Variants in ROBO1 observed in about 807,000 individuals in gnomAD.
The protein encoded by ROBO1 is roundabout guidance receptor 1, also known as roundabout homolog 1.
A neutral mutation model predicts 195.9 loss-of-function variants in ROBO1; 149 were observed. The ratio of observed to expected loss-of-function variants is 0.76; its 90% CI spans 0.67 to 0.87. ROBO1 has a LOEUF of 0.87. Ranked by LOEUF, ROBO1 falls within the 40% of genes least tolerant of loss-of-function variation. The pLI is 0.00. For synonymous variants in ROBO1, 816 were observed against 733.2 expected (o/e 1.11, Z -1.82); for missense variants, 1,933 against 2,068.3 (o/e 0.93, Z 1.27).
intron 1 of ROBO1, among the ~76,000 whole-genome samples, chr3:79,696,734 A>C (rs1357472081): frequency 6.6e-6 from 1 of 151,444 alleles, no homozygotes; most frequent in Non-Finnish European, 1.5e-5. Context: ...AAGTCTTCTA[A>C]AATGTTCTAC....
At chr3:78,906,941 T>C (rs971423790) in intron 4 of ROBO1, among the ~76,000 whole-genome samples, 1 of 152,144 alleles carries the variant, frequency 6.6e-6, no homozygotes, top group African/African-American at 2.4e-5. Context: ...AGACAGATTC[T>C]TCTATCTACT....
intron 2 of ROBO1, among the ~76,000 whole-genome samples, chr3:79,382,740 T>C (rs2036614356): frequency 6.6e-6 from 1 of 152,156 alleles, no homozygotes; most frequent in South Asian, 2.1e-4. Flanking sequence ...ATAACTAGTG[T>C]TTTTTGATAC....
chr3:79,322,848 CTT>C (rs2034044355), intron 2 of ROBO1, among the ~76,000 whole-genome samples: 1 of 152,084 alleles, frequency 6.6e-6, no homozygotes, highest in African/African-American at 2.4e-5. Flanking sequence ...TTTTATAGCA[CTT>C]CCTAAAGCAA....
At chr3:78,618,091 TA>T in intron 26 of ROBO1, 50 bp from the exon 27 acceptor site, 1 of 1,523,048 alleles carries the variant, frequency 6.6e-7, no homozygotes, top group South Asian at 1.3e-5. Context: ...ATTTAAGACA[TA>T]AAAGGACAAA....
chr3:78,931,515 G>A (rs1487548528), intron 4 of ROBO1, among the ~76,000 whole-genome samples: 1 of 151,654 alleles, frequency 6.6e-6, no homozygotes, highest in African/African-American at 2.4e-5. Flanking sequence ...CAAAGTGCTG[G>A]GATTACAGGC....
intron 3 of ROBO1, among the ~76,000 whole-genome samples, chr3:79,098,290 C>T (rs947806892): frequency 1.3e-5 from 2 of 151,766 alleles, no homozygotes; most frequent in Admixed American, 6.6e-5. Flanking sequence ...TTACTAGAGA[C>T]AGTAATCCTC....
intron 2 of ROBO1, among the ~76,000 whole-genome samples, chr3:79,388,216 T>C (rs2036825462): frequency 6.6e-6 from 1 of 152,158 alleles, no homozygotes; most frequent in Non-Finnish European, 1.5e-5. Flanking sequence ...ACATGACATA[T>C]ACTTGAGGTA....
intron 14 of ROBO1, among the ~76,000 whole-genome samples, 189 bp downstream of exon 14, chr3:78,667,694 C>T (rs761876419): frequency 2.6e-5 from 4 of 152,018 alleles, no homozygotes. Flanking sequence ...TGTTGGTATG[C>T]TTAGTCCAGA....
At chr3:79,302,035 A>T (rs1453629326) in intron 2 of ROBO1, among the ~76,000 whole-genome samples, 8 of 152,198 alleles carry the variant, frequency 5.3e-5, no homozygotes, top group African/African-American at 1.9e-4. Flanking sequence ...TCAGAAGATA[A>T]GTAAAACGGT....
intron 3 of ROBO1, among the ~76,000 whole-genome samples, chr3:79,029,837 C>G (rs928477188): frequency 6.6e-6 from 1 of 152,166 alleles, no homozygotes; most frequent in Non-Finnish European, 1.5e-5. Flanking sequence ...ACAACATTGA[C>G]TATTTCTCCA....
intron 1 of ROBO1, among the ~76,000 whole-genome samples, chr3:79,738,141 C>A (rs7641856): frequency 0.037 from 5,582 of 152,102 alleles, 351 homozygotes; most frequent in African/African-American, 0.13. Flanking sequence ...AAGTTTAACA[C>A]CAAATAAAAT....
chr3:79,447,747 GTTGT>G (rs1411938099), intron 2 of ROBO1, among the ~76,000 whole-genome samples: 2 of 152,098 alleles, frequency 1.3e-5, no homozygotes, highest in African/African-American at 4.8e-5. Flanking sequence ...ACTAGATAGA[GTTGT>G]TTATTTTTCT....
At chr3:79,742,736 C>G (rs62257315) in intron 1 of ROBO1, among the ~76,000 whole-genome samples, 8 of 152,172 alleles carry the variant, frequency 5.3e-5, no homozygotes, top group Non-Finnish European at 1.2e-4. Flanking sequence ...CTGCAGAATT[C>G]AGCAGCCATT....
At chr3:78,986,993 T>C (rs1351450427) in intron 3 of ROBO1, among the ~76,000 whole-genome samples, 1 of 152,078 alleles carries the variant, frequency 6.6e-6, no homozygotes, top group Non-Finnish European at 1.5e-5. Flanking sequence ...TCTTAAACAG[T>C]GCCTATTTAC....
intron 4 of ROBO1, among the ~76,000 whole-genome samples, chr3:78,837,357 A>G (rs2032829570): frequency 6.6e-6 from 1 of 152,136 alleles, no homozygotes; most frequent in African/African-American, 2.4e-5. Flanking sequence ...CTATGATACT[A>G]CCAAACAATG....
rs116049261 is a variant in ROBO1 at position 79,055,741 on chromosome 3, C to T, written c.172+69715G>A. On this transcript the variant is annotated intron_variant, in intron 3 of 30. Coordinates refer to ENST00000464233, the MANE Select transcript of ROBO1 (RefSeq NM_002941.4). Reference sequence around the variant, plus strand: ...AAAACATGAAGGGATTACTAAACCCCTCCAAATTACTGTAAAAGAAGACAG... The same window carrying T: ...AAAACATGAAGGGATTACTAAACCCTTCCAAATTACTGTAAAAGAAGACAG... Among the ~76,000 whole-genome samples the T allele has an allele frequency of 7.5e-3, 1,141 of 152,172 alleles. 22 individuals are homozygous for T. Among genetic ancestry groups the T allele is most frequent in the African/African-American group, 0.026 (1,092 of 41,536 alleles).
At chr3:79,410,306 T>C (rs1300292744) in intron 2 of ROBO1, among the ~76,000 whole-genome samples, 1 of 152,198 alleles carries the variant, frequency 6.6e-6, no homozygotes, top group Non-Finnish European at 1.5e-5. Flanking sequence ...CTATAGTGAT[T>C]AGATTCAAGC....
intron 4 of ROBO1, among the ~76,000 whole-genome samples, chr3:78,925,856 GA>G (rs2039183587): frequency 6.6e-6 from 1 of 151,896 alleles, no homozygotes; most frequent in Admixed American, 6.6e-5. Context: ...TGGCTCTGCT[GA>G]ACTCTGAAGC....
intron 3 of ROBO1, among the ~76,000 whole-genome samples, chr3:78,955,109 G>A (rs1462445179): frequency 6.0e-5 from 7 of 116,268 alleles, no homozygotes; most frequent in Middle Eastern, 4.4e-3. Context: ...GTGTGTCATG[G>A]GGTTATATAG....
Sources: gnomAD v4.1 joint callset for allele counts (sites outside exome capture counted in the v4.1 genomes callset) on GRCh38, gnomAD v4.1.1 for gene constraint, MANE v1.5 for transcripts, NCBI Gene and HGNC (gene_info 2026-07-23, HGNC 2026-07-21) for gene names.